EBF2: variants seen among roughly 807,000 people sequenced by gnomAD.
The protein encoded by EBF2 is transcription factor COE2.
Under a neutral mutation model 72.8 loss-of-function variants are expected in EBF2, and 21 were observed. That is an observed-to-expected ratio of 0.29 (90% CI 0.20 to 0.42). The LOEUF (loss-of-function observed/expected upper bound fraction) is 0.42. EBF2 is among the 10% of genes least tolerant of loss of function. EBF2 has a pLI of 1.00. For synonymous variants in EBF2, 299 were observed against 274.2 expected (o/e 1.09, Z -0.89); for missense variants, 637 against 731.2 (o/e 0.87, Z 1.49).
At chr8:25,974,563 T>A (rs2117192466) in intron 6 of EBF2, among the ~76,000 whole-genome samples, 1 of 152,330 alleles carries the variant, frequency 6.6e-6, no homozygotes, top group South Asian at 2.1e-4. Flanking sequence ...TTTAATGTGG[T>A]GTGGACTAAA....
chr8:26,026,158 C>G (rs1315210439), intron 6 of EBF2, among the ~76,000 whole-genome samples: 1 of 152,124 alleles, frequency 6.6e-6, no homozygotes, highest in Non-Finnish European at 1.5e-5. Context: ...ACCTGGGCAA[C>G]AGAGCAAGAG....
At chr8:26,038,519 T>C (rs578094045) in intron 5 of EBF2, among the ~76,000 whole-genome samples, 1 of 152,364 alleles carries the variant, frequency 6.6e-6, no homozygotes, top group Non-Finnish European at 1.5e-5. Context: ...GATCAATTTT[T>C]TGTTTTCTTT....
At chr8:25,888,355 G>A (rs1802726602) in intron 8 of EBF2, among the ~76,000 whole-genome samples, 1 of 152,158 alleles carries the variant, frequency 6.6e-6, no homozygotes, top group African/African-American at 2.4e-5. Context: ...TTCCCTAACT[G>A]GCTGTTGGTT....
chr8:25,948,783 T>A (rs1256209645), intron 6 of EBF2, among the ~76,000 whole-genome samples: 2 of 152,324 alleles, frequency 1.3e-5, no homozygotes, highest in Admixed American at 6.5e-5. Flanking sequence ...GTTTGGGAAC[T>A]CTGGGAGCTC....
Position 25,858,268 on chromosome 8 carries a change from A to T in EBF2, c.1528+51T>A, listed in dbSNP as rs1179735094. The T allele has an allele frequency of 1.9e-6, 3 of 1,607,750 alleles. No individual in the cohort carries two copies. In the South Asian group the frequency reaches 3.3e-5, roughly 18 times the overall value. ...TTTCTCCCAAAAGGCCCAATAGTAA[A>T]ACCCAGAGACAAAAAAGCATGGAGA... On this transcript the variant is annotated intron_variant, in intron 14 of 15. Transcript: ENST00000520164.
At chr8:25,920,772 G>A (rs950372740) in intron 6 of EBF2, among the ~76,000 whole-genome samples, 2 of 151,974 alleles carry the variant, frequency 1.3e-5, no homozygotes, top group African/African-American at 4.8e-5. Context: ...TTGGCAGGAG[G>A]ATTTTCCTCC....
In EBF2 at chr8:25,950,930, A is replaced by T. The variant is rs1050279604; in HGVS notation, c.552-42375T>A. Among the ~76,000 whole-genome samples, 4 of 152,332 alleles carry T rather than the reference A, an allele frequency of 2.6e-5. No homozygotes were observed. The East Asian group carries it at 7.7e-4, about 29-fold the overall frequency. ...ACAATTCAAAATGAAATGAAGATAAAAGGGCTTCTCCTCCTCCTTTTTCAT... is the reference window on the plus strand; with the variant it reads ...ACAATTCAAAATGAAATGAAGATAATAGGGCTTCTCCTCCTCCTTTTTCAT... On this transcript the variant is annotated intron_variant, in intron 6 of 15. Transcript: ENST00000520164.
intron 6 of EBF2, among the ~76,000 whole-genome samples, chr8:25,965,354 G>A (rs958589905): frequency 6.6e-6 from 1 of 152,254 alleles, no homozygotes; most frequent in South Asian, 2.1e-4. Context: ...ACAGATCTTG[G>A]TTAGACTGCT....
At chr8:25,917,219 C>G (rs866832954) in intron 6 of EBF2, among the ~76,000 whole-genome samples, 1 of 150,100 alleles carries the variant, frequency 6.7e-6, no homozygotes, top group Non-Finnish European at 1.5e-5. Context: ...TTTTTATCCC[C>G]CCTTCTATAT....
intron 6 of EBF2, among the ~76,000 whole-genome samples, chr8:26,021,253 AAAG>A (rs769434351): frequency 5.3e-5 from 8 of 152,198 alleles, no homozygotes; most frequent in Non-Finnish European, 1.0e-4. Context: ...AGAAACTGAC[AAAG>A]AAGAGGGGAA....
intron 6 of EBF2, among the ~76,000 whole-genome samples, chr8:26,030,170 G>A (rs1805374840): frequency 1.3e-5 from 2 of 152,156 alleles, no homozygotes; most frequent in African/African-American, 2.4e-5. Context: ...AGAAGGCTAA[G>A]GTAAACCCGA....
chr8:25,850,659 G>A lies in EBF2; in HGVS notation c.1631C>T (p.Pro544Leu), dbSNP rs1425619780. 3 of 1,563,704 alleles carry A rather than the reference G, an allele frequency of 1.9e-6. No individual in the cohort carries two copies. The highest frequency in any genetic ancestry group is 2.1e-5 in the Admixed American group (1 of 46,558). The part of the protein sequence containing the change: ...PAVKQKSAFA[P>L]VIRPQGSPSP... Reference sequence around the variant, plus strand: ...AGGGGAGCCTTGGGGCCTGATGACAGGGGCAAAGGCACTCTTCTGTTTGAC... The same window carrying A: ...AGGGGAGCCTTGGGGCCTGATGACAAGGGCAAAGGCACTCTTCTGTTTGAC... Residue 544 changes from proline (P) to leucine (L), a missense_variant, in exon 15 of 16, where the codon CCT becomes CTT. Transcript: ENST00000520164.
chr8:25,919,709 G>T (rs1287579370), intron 6 of EBF2, among the ~76,000 whole-genome samples: 1 of 152,186 alleles, frequency 6.6e-6, no homozygotes, highest in Admixed American at 6.5e-5. Context: ...CACCTCGGAG[G>T]CTGTTGGCCA....
chr8:25,877,471 GA>G (rs1164147653), intron 10 of EBF2, among the ~76,000 whole-genome samples: 1 of 152,210 alleles, frequency 6.6e-6, no homozygotes, highest in East Asian at 1.9e-4. Context: ...ACGGTTGGTG[GA>G]AAATTGACCT....
chr8:25,893,136 G>A (rs1041298907), intron 7 of EBF2, among the ~76,000 whole-genome samples: 14 of 152,134 alleles, frequency 9.2e-5, no homozygotes, highest in African/African-American at 3.4e-4. Context: ...AAAATAATAG[G>A]AGAAGAGAGA....
chr8:25,908,978 C>T (rs1803084238), intron 6 of EBF2, among the ~76,000 whole-genome samples: 1 of 152,162 alleles, frequency 6.6e-6, no homozygotes, highest in South Asian at 2.1e-4. Flanking sequence ...TCTCCACTGG[C>T]CCCAGACACC....
intron 10 of EBF2, among the ~76,000 whole-genome samples, chr8:25,880,136 A>T (rs1314009051): frequency 1.3e-5 from 2 of 152,208 alleles, no homozygotes; most frequent in East Asian, 3.9e-4. Flanking sequence ...CACAAAATAA[A>T]TTTTTGCTGA....
chr8:25,845,049 G>A (rs1283450675), intron 15 of EBF2, among the ~76,000 whole-genome samples: 1 of 152,178 alleles, frequency 6.6e-6, no homozygotes, highest in Non-Finnish European at 1.5e-5. Context: ...TCCAGGTGCT[G>A]AGCCTGTTGA....
chr8:26,012,396 C>T (rs531398350), intron 6 of EBF2, among the ~76,000 whole-genome samples: 1 of 152,242 alleles, frequency 6.6e-6, no homozygotes, highest in African/African-American at 2.4e-5. Context: ...AAATAACTAA[C>T]TTGAAATAGC....
Sources: gnomAD v4.1 joint callset for allele counts (sites outside exome capture counted in the v4.1 genomes callset) on GRCh38, gnomAD v4.1.1 for gene constraint, MANE v1.5 for transcripts, NCBI Gene and HGNC (gene_info 2026-07-23, HGNC 2026-07-21) for gene names.